STARD13: variants seen among roughly 807,000 people sequenced by gnomAD.
STARD13 encodes the protein StAR related lipid transfer domain containing 13.
Under a neutral mutation model 106.4 loss-of-function variants are expected in STARD13, and 62 were observed. The observed-to-expected ratio is 0.58, with a 90% CI of 0.48 to 0.72. The LOEUF is 0.72. Ranked by LOEUF, STARD13 falls within the 30% of genes least tolerant of loss-of-function variation. The probability of loss-of-function intolerance (pLI) is 0.00; values close to 1 mark genes in which losing one functional copy is unlikely to be tolerated. For missense variants in STARD13, 1,387 were observed against 1,424.0 expected (o/e 0.97, Z 0.42); for synonymous variants, 565 against 553.0 (o/e 1.02, Z -0.31).
At chr13:33,358,883 C>T in the STARD13 span, among the ~76,000 whole-genome samples, 48 of 152,242 alleles carry the variant, frequency 3.2e-4, 1 homozygote, top group South Asian at 6.4e-3. Context: ...ATGCACCAAT[C>T]GACACTCTGT....
At chr13:33,278,811 T>C (rs1196627802) in intron 1 of STARD13, 2 of 152,216 alleles carry the variant, frequency 1.3e-5, no homozygotes, top group East Asian at 3.8e-4. Flanking sequence ...CCATGTGATA[T>C]ATCTTCCTAG....
the STARD13 span, among the ~76,000 whole-genome samples, chr13:33,572,125 A>G: frequency 6.6e-6 from 1 of 152,200 alleles, no homozygotes; most frequent in South Asian, 2.1e-4. Flanking sequence ...CCTAATCGTC[A>G]ACCATCAACT....
At chr13:33,213,943 C>T (rs1887875506) in intron 1 of STARD13, among the ~76,000 whole-genome samples, 1 of 152,160 alleles carries the variant, frequency 6.6e-6, no homozygotes, top group African/African-American at 2.4e-5. Flanking sequence ...ATGGAAAGAA[C>T]AAAGCCCCAG....
At chr13:33,504,730 A>C in the STARD13 span, among the ~76,000 whole-genome samples, 1 of 152,184 alleles carries the variant, frequency 6.6e-6, no homozygotes, top group Non-Finnish European at 1.5e-5. Flanking sequence ...CGTTGTGCAC[A>C]TGTACCCTAG....
chr13:33,167,015 C>CAAAAAAAAAAA, intron 2 of STARD13, among the ~76,000 whole-genome samples: 1 of 139,290 alleles, frequency 7.2e-6, no homozygotes, highest in East Asian at 2.0e-4. Flanking sequence ...AAAAAAAAAC[C>CAAAAAAAAAAA]AAAAAAAAAT....
intron 1 of STARD13, among the ~76,000 whole-genome samples, chr13:33,209,457 C>CTTTT (rs1479939760): frequency 0.023 from 2,839 of 123,120 alleles, 100 homozygotes; most frequent in African/African-American, 0.072. Context: ...CTCTCTCTCT[C>CTTTT]TCTTTTTTTT....
At chr13:33,199,720 A>G (rs1886880446) in intron 1 of STARD13, among the ~76,000 whole-genome samples, 1 of 152,226 alleles carries the variant, frequency 6.6e-6, no homozygotes, top group Non-Finnish European at 1.5e-5. Context: ...TGCAAGGCCC[A>G]AAGAACACTA....
At chr13:33,481,949 C>T in the STARD13 span, among the ~76,000 whole-genome samples, 1 of 149,626 alleles carries the variant, frequency 6.7e-6, no homozygotes, top group Non-Finnish European at 1.5e-5. Context: ...CGCCACTACA[C>T]TCCAGCCTGG....
At chr13:33,197,692 A>T (rs1174195915) in intron 1 of STARD13, among the ~76,000 whole-genome samples, 1 of 152,230 alleles carries the variant, frequency 6.6e-6, no homozygotes, top group Non-Finnish European at 1.5e-5. Context: ...TCAGCAAGCC[A>T]TGGTAGAACC....
chr13:33,445,831 A>T, the STARD13 span, among the ~76,000 whole-genome samples: 2 of 151,984 alleles, frequency 1.3e-5, no homozygotes, highest in African/African-American at 4.8e-5. Flanking sequence ...GTGAGAACTC[A>T]CTCACCCCTC....
chr13:33,225,380 C>T (rs1210099899), intron 1 of STARD13, among the ~76,000 whole-genome samples: 2 of 152,198 alleles, frequency 1.3e-5, no homozygotes, highest in East Asian at 1.9e-4. Flanking sequence ...TTCTGGCCGC[C>T]GTCTGTACAT....
the STARD13 span, among the ~76,000 whole-genome samples, chr13:33,630,925 T>C: frequency 6.6e-6 from 1 of 152,212 alleles, no homozygotes; most frequent in East Asian, 1.9e-4. Context: ...GATAGAAAGA[T>C]TCAGATCTTC....
intron 1 of STARD13, among the ~76,000 whole-genome samples, chr13:33,196,564 C>T (rs1227581101): frequency 6.6e-6 from 1 of 152,162 alleles, no homozygotes; most frequent in African/African-American, 2.4e-5. Flanking sequence ...GCAATCTTAC[C>T]TCCACGCTTG....
At chr13:33,656,141 A>G in the STARD13 span, among the ~76,000 whole-genome samples, 1 of 152,180 alleles carries the variant, frequency 6.6e-6, no homozygotes, top group Non-Finnish European at 1.5e-5. Flanking sequence ...AAAATTTATT[A>G]TTACCTGTCT....
chr13:33,457,356 C>T, the STARD13 span, among the ~76,000 whole-genome samples: 31 of 152,186 alleles, frequency 2.0e-4, 1 homozygote, highest in Admixed American at 1.6e-3. Context: ...ACTGATATTC[C>T]TCTCTAAAGG....
chr13:33,651,274 G>A, the STARD13 span, among the ~76,000 whole-genome samples: 1 of 152,026 alleles, frequency 6.6e-6, no homozygotes, highest in East Asian at 1.9e-4. Flanking sequence ...TTATTGTCTC[G>A]AATTATTCCC....
the STARD13 span, among the ~76,000 whole-genome samples, chr13:33,637,018 A>G: frequency 2.0e-5 from 3 of 152,012 alleles, no homozygotes; most frequent in African/African-American, 4.8e-5. Context: ...GCAACACACT[A>G]CTCCTGAAAG....
chr13:33,187,660 C>G (rs1885893288), intron 1 of STARD13, among the ~76,000 whole-genome samples: 1 of 151,638 alleles, frequency 6.6e-6, no homozygotes, highest in Admixed American at 6.6e-5. Flanking sequence ...AATGAAGCAT[C>G]TTTTTTTTAA....
chr13:33,158,492 C>G (rs749497343), intron 3 of STARD13: 4 of 152,236 alleles, frequency 2.6e-5, no homozygotes, highest in Non-Finnish European at 5.9e-5. Context: ...CAGAAGCTGC[C>G]TGCCCTCCGG....
Sources: allele counts gnomAD v4.1 joint callset (sites outside exome capture counted in the v4.1 genomes callset), GRCh38; gene constraint gnomAD v4.1.1; transcripts MANE v1.5; gene names NCBI Gene and HGNC (gene_info 2026-07-23, HGNC 2026-07-21).